The following PCDHGA10 variants were observed in gnomAD, a reference collection of about 807,000 sequenced individuals.
The protein encoded by PCDHGA10 is protocadherin gamma-A10.
Under a neutral mutation model 59.5 loss-of-function variants are expected in PCDHGA10, and 42 were observed. The ratio of observed to expected loss-of-function variants is 0.71; its 90% confidence interval spans 0.55 to 0.91. The LOEUF (loss-of-function observed/expected upper bound fraction) is 0.91. PCDHGA10 is among the 40% of genes least tolerant of loss of function. The probability of loss-of-function intolerance (pLI) is 0.00; values close to 1 mark genes in which losing one functional copy is unlikely to be tolerated. For missense variants in PCDHGA10, 1,111 were observed against 1,198.2 expected (o/e 0.93, Z 1.07); for synonymous variants, 511 against 517.2 (o/e 0.99, Z 0.16).
chr5:141,503,910 G>A (rs1311674998), intron 2 of PCDHGA10, among the ~76,000 whole-genome samples: 1 of 152,062 alleles, frequency 6.6e-6, no homozygotes, highest in Admixed American at 6.6e-5. Flanking sequence ...CACACACAAC[G>A]CAACACACAC....
chr5:141,417,861 T>A, intron 1 of PCDHGA10: 3 of 1,549,554 alleles, frequency 1.9e-6, no homozygotes, highest in Non-Finnish European at 2.6e-6. Context: ...GAGCGAACGA[T>A]GGGAGGGAGC....
chr5:141,457,942 T>C (rs2098933338), intron 1 of PCDHGA10, among the ~76,000 whole-genome samples: 1 of 152,226 alleles, frequency 6.6e-6, no homozygotes, highest in Non-Finnish European at 1.5e-5. Flanking sequence ...TTATTGGCTC[T>C]GCATGTCAAG....
Position 141,487,613 on chromosome 5 carries a change from G to C in PCDHGA10, c.2437-7194G>C, listed in dbSNP as rs1460090760. 1 of 1,614,218 alleles carries C rather than the reference G, an allele frequency of 6.2e-7. No homozygotes were observed. ...ACCCTCTGATCTTCTCTATGGGCTA[G>C]AGGTGAGACCTTTGCAGGCTCAACA... On this transcript the variant is annotated intron_variant, in intron 1 of 3. Coordinates refer to ENST00000398610, the MANE Select transcript of PCDHGA10 (RefSeq NM_018913.3). The surrounding 1 kb of genome is among the most constrained non-coding windows in gnomAD (Gnocchi z 5.0).
rs760214999 is a variant in PCDHGA10 at position 141,414,116 on chromosome 5, A to C, written c.941A>C (p.Glu314Ala). Residue 314 changes from glutamate to alanine, a missense_variant, in exon 1 of 4, where the codon GAA becomes GCA. Physicochemically the swap from Glu to Ala is moderately radical, Grantham distance 107. Transcript: ENST00000398610. ...AAAATATCAGAAAATCTAGATTATG[A>C]AGAAACCGGTTTCTATGAAATAGAA... ...EIKISENLDY[E>A]ETGFYEIEIQ... 1.3e-6 allele frequency: 2 copies of C among 1,592,434 alleles called. No homozygotes were observed. Among genetic ancestry groups the C allele is most frequent in the Non-Finnish European group, 1.7e-6 (2 of 1,169,156 alleles).
In PCDHGA10 at chr5:141,476,040, G is replaced by A; in HGVS notation, c.2437-18767G>A. 2.0e-6 allele frequency: 3 copies of A among 1,488,704 alleles called. No individual in the cohort carries two copies. Among genetic ancestry groups the A allele is most frequent in the Admixed American group, 2.2e-5 (1 of 44,984 alleles). 92.2% of individuals were successfully genotyped at this position (1,488,704 alleles called of 1,614,324 possible). On this transcript the variant is annotated intron_variant, in intron 1 of 3. Coordinates refer to ENST00000398610, the MANE Select transcript of PCDHGA10 (RefSeq NM_018913.3). The surrounding 1 kb of genome is among the most constrained non-coding windows in gnomAD (Gnocchi z 7.6). The stretch of plus-strand genomic sequence containing the variant: ...CGGACTCGGCGCCCAGCGCCCAAGC[G>A]CTAACCCGCTGAAAGTTTCTCAGCG...
rs17097297 is a variant in PCDHGA10 at position 141,426,366 on chromosome 5, G to C, written c.2436+10755G>C. 737 of 204,832 alleles carry C rather than the reference G, an allele frequency of 3.6e-3. 4 individuals are homozygous for C. The highest frequency in any genetic ancestry group is 0.015 in the African/African-American group (666 of 43,954). 12.7% of individuals were successfully genotyped at this position (204,832 alleles called of 1,614,324 possible). Reference sequence around the variant, plus strand: ...CTTTCCTGCTGCCTTTGTTCTGCGGGGCACCCTCGGAGCAGATCCGCTACT... The same window carrying C: ...CTTTCCTGCTGCCTTTGTTCTGCGGCGCACCCTCGGAGCAGATCCGCTACT... On this transcript the variant is annotated intron_variant, in intron 1 of 3. Transcript: ENST00000398610.
At chr5:141,440,779 GC>G (rs2154559027) in intron 1 of PCDHGA10, 1 of 152,294 alleles carries the variant, frequency 6.6e-6, no homozygotes, top group Admixed American at 6.5e-5. Flanking sequence ...AGTGCTAGCA[GC>G]CTTAGACGGC....
chr5:141,421,227 C>T (rs1387397967), intron 1 of PCDHGA10: 1 of 1,587,020 alleles, frequency 6.3e-7, no homozygotes, highest in Non-Finnish European at 8.6e-7. Context: ...TAGAGCCTGC[C>T]ATGGCGAATC....
At chr5:141,484,989 T>C (rs1295192640) in intron 1 of PCDHGA10, 4 of 604,024 alleles carry the variant, frequency 6.6e-6, no homozygotes, top group Non-Finnish European at 1.2e-5. Context: ...AATCGGGTGG[T>C]GAAAGGCAGA....
At chr5:141,462,314 A>C (rs1283684392) in intron 1 of PCDHGA10, among the ~76,000 whole-genome samples, 1 of 152,186 alleles carries the variant, frequency 6.6e-6, no homozygotes, top group Non-Finnish European at 1.5e-5. Flanking sequence ...TATATTTGTC[A>C]CTGATTTCTA....
chr5:141,493,679 G>C lies in PCDHGA10; in HGVS notation c.2437-1128G>C. On this transcript the variant is annotated intron_variant, in intron 1 of 3. Transcript: ENST00000398610. This position sits in a 1 kb window ranked among gnomAD's most constrained non-coding sequence, Gnocchi z 4.3. ...CCTTCTCCATGGCAGCCCCAGAATG[G>C]TGCTGGTGACTCCCGATACACCTGG... Among the ~76,000 whole-genome samples the C allele has an allele frequency of 6.6e-6, 1 of 152,198 alleles. No individual in the cohort carries two copies. Among genetic ancestry groups the C allele is most frequent in the African/African-American group, 2.4e-5 (1 of 41,446 alleles).
At chr5:141,421,300 C>A (rs377161386) in intron 1 of PCDHGA10, 2 of 1,613,320 alleles carry the variant, frequency 1.2e-6, no homozygotes, top group African/African-American at 1.3e-5. Context: ...GGGGACGCTG[C>A]GGGGGTTCCG....
In PCDHGA10 at chr5:141,485,792, G is replaced by A. The variant is rs114766079; in HGVS notation, c.2437-9015G>A. The A allele has an allele frequency of 6.2e-7, 1 of 1,614,236 alleles. No homozygotes were observed. Among genetic ancestry groups the A allele is most frequent in the East Asian group, 2.2e-5 (1 of 44,880 alleles). ...GCCTTTGGATCGAGAGAAGCAATCG[G>A]ACTACCGCCTGGTGCTGACTGCTGT... On this transcript the variant is annotated intron_variant, in intron 1 of 3. Coordinates refer to ENST00000398610, the MANE Select transcript of PCDHGA10 (RefSeq NM_018913.3). This position sits in a 1 kb window ranked among gnomAD's most constrained non-coding sequence, Gnocchi z 5.7.
rs1243232069 is a variant in PCDHGA10 at position 141,490,842 on chromosome 5, G to A, written c.2437-3965G>A. Reference sequence around the variant, plus strand: ...TGCTGCAGATGCTGCAGATTGTGGTGGGGGTTCGAGACTCCGGCTCTCCCC... The same window carrying A: ...TGCTGCAGATGCTGCAGATTGTGGTAGGGGTTCGAGACTCCGGCTCTCCCC... On this transcript the variant is annotated intron_variant, in intron 1 of 3. Transcript: ENST00000398610. The surrounding 1 kb of genome is among the most constrained non-coding windows in gnomAD (Gnocchi z 5.4). 4.3e-6 allele frequency: 7 copies of A among 1,613,844 alleles called. No homozygotes were observed. In the South Asian group the frequency reaches 6.6e-5, roughly 15 times the overall value.
chr5:141,449,425 G>T (rs1206395356), intron 1 of PCDHGA10, among the ~76,000 whole-genome samples: 2 of 151,688 alleles, frequency 1.3e-5, no homozygotes, highest in Non-Finnish European at 2.9e-5. Context: ...TGGCCAACAT[G>T]ATAAAACTCC....
chr5:141,448,511 A>C (rs2098593334), intron 1 of PCDHGA10, among the ~76,000 whole-genome samples: 1 of 152,076 alleles, frequency 6.6e-6, no homozygotes, highest in Admixed American at 6.6e-5. Context: ...ACATTTTATA[A>C]CTTTATTAAG....
intron 1 of PCDHGA10, chr5:141,421,970 A>G (rs2096615419): frequency 1.2e-6 from 2 of 1,610,810 alleles, no homozygotes; most frequent in Non-Finnish European, 1.7e-6. Context: ...CAGTCCGTAT[A>G]TCGCGTGAGT....
intron 1 of PCDHGA10, among the ~76,000 whole-genome samples, chr5:141,473,313 T>C (rs1173941642): frequency 2.7e-4 from 41 of 152,246 alleles, no homozygotes; most frequent in Non-Finnish European, 5.9e-5. Context: ...GCTATATTAA[T>C]AAGCATTAAG....
intron 1 of PCDHGA10, among the ~76,000 whole-genome samples, chr5:141,420,737 A>G (rs1156969170): frequency 1.3e-5 from 2 of 152,244 alleles, no homozygotes; most frequent in Non-Finnish European, 2.9e-5. Flanking sequence ...GTTAAAATCA[A>G]TTGGAACCAA....
Sources: allele counts gnomAD v4.1 joint callset (sites outside exome capture counted in the v4.1 genomes callset), GRCh38; gene constraint gnomAD v4.1.1; non-coding constraint Gnocchi (gnomAD v3.1); transcripts MANE v1.5; gene names NCBI Gene and HGNC (gene_info 2026-07-23, HGNC 2026-07-21).